Variants in RP1L1 observed in about 807,000 individuals in gnomAD.
The protein encoded by RP1L1 is retinitis pigmentosa 1-like 1 protein.
A neutral mutation model predicts 15.7 loss-of-function variants in RP1L1; 27 were observed. The ratio of observed to expected loss-of-function variants is 1.72; its 90% CI spans 1.27 to 2.38. RP1L1 has a LOEUF of 2.38. RP1L1 is among the 30% of genes most tolerant of loss of function. The probability of loss-of-function intolerance (pLI) is 0.00; values close to 1 mark genes in which losing one functional copy is unlikely to be tolerated. For missense variants in RP1L1, 4,798 were observed against 3,075.9 expected, an observed-to-expected ratio of 1.56 and a Z score of -13.24; for synonymous variants, 1,813 against 1,276.7, an observed-to-expected ratio of 1.42 and a Z score of -8.96.
chr8:10,619,859 G>C (rs528371205), intron 2 of RP1L1, among the ~76,000 whole-genome samples: 1 of 151,904 alleles, frequency 6.6e-6, no homozygotes, highest in South Asian at 2.1e-4. Flanking sequence ...ACTCGGGGAG[G>C]CTGAGGCAGA....
chr8:10,616,558 G>A lies in RP1L1; in HGVS notation c.639C>T (p.Ser213=). Reference sequence around the variant, plus strand: ...GCCCGGCACACACCAGCACAGAGGGGCTGTGCAGCAGGGCCTGCAGCGAGT... The same window carrying A: ...GCCCGGCACACACCAGCACAGAGGGACTGTGCAGCAGGGCCTGCAGCGAGT... ...KVDSLQALLH[S]PSVLVCAGHE... Residue 213 remains serine (S), a synonymous_variant, in exon 3 of 4, where the codon AGC becomes AGT. Coordinates refer to ENST00000382483, the MANE Select transcript of RP1L1 (RefSeq NM_178857.6). 1 of 1,613,786 alleles carries A rather than the reference G, an allele frequency of 6.2e-7. No individual in the cohort carries two copies. The highest frequency in any genetic ancestry group is 8.5e-7 in the Non-Finnish European group (1 of 1,180,038).
In RP1L1 at chr8:10,611,132, C is replaced by A. The variant is rs1420845629; in HGVS notation, c.2966G>T (p.Gly989Val). Residue 989 changes from glycine to valine, a missense_variant, in exon 4 of 4, where the codon GGC (glycine) becomes GTC (valine). By Grantham distance (109) the Gly-to-Val change is moderately radical (BLOSUM62 -3). Coordinates refer to ENST00000382483, the MANE Select transcript of RP1L1 (RefSeq NM_178857.6). ...TTGAAGGGLRGPEVDPGDDHS... is the reference protein window; with the variant it reads ...TTGAAGGGLRVPEVDPGDDHS... ...GTCATCCCCAGGGTCCACCTCGGGG[C>A]CTCTCAGGCCACCCCCAGCTGCACC... is the stretch of plus-strand genomic sequence containing the variant. 6.2e-7 allele frequency: 1 copy of A among 1,612,932 alleles called. No individual in the cohort carries two copies. The highest frequency in any genetic ancestry group is 1.3e-5 in the African/African-American group (1 of 75,062).
intron 1 of RP1L1, among the ~76,000 whole-genome samples, chr8:10,625,376 G>A (rs1236493615): frequency 6.6e-6 from 1 of 152,158 alleles, no homozygotes; most frequent in African/African-American, 2.4e-5. Flanking sequence ...AGGAACCTGG[G>A]CCTTCGGGAT....
chr8:10,628,715 TTC>T (rs990171882), intron 1 of RP1L1, among the ~76,000 whole-genome samples: 1 of 152,206 alleles, frequency 6.6e-6, no homozygotes, highest in African/African-American at 2.4e-5. Flanking sequence ...ATAGTTCCCG[TTC>T]TGTCTGGTAA....
rs1797907809 is a variant in RP1L1 at position 10,613,187 on chromosome 8, A to C, written c.911T>G (p.Val304Gly). 6.2e-7 allele frequency: 1 copy of C among 1,613,622 alleles called. No homozygotes were observed. Among genetic ancestry groups the C allele is most frequent in the Non-Finnish European group, 8.5e-7 (1 of 1,179,998 alleles). The change falls in exon 4 of 4, where the codon GTG becomes GGG. Residue 304 changes from valine (V) to glycine (G), a missense_variant. By Grantham distance (109) the Val-to-Gly change is moderately radical. Transcript: ENST00000382483. ...QDTPAQSGPL[V>G]AGDDMKKKVR... ...CTTCTTCTTCATGTCATCGCCAGCC[A>C]CCAGCGGGCCCGACTGAGCTGGCGT... is the stretch of plus-strand genomic sequence containing the variant.
At chr8:10,630,953 G>A (rs954692735) in intron 1 of RP1L1, among the ~76,000 whole-genome samples, 2 of 152,220 alleles carry the variant, frequency 1.3e-5, no homozygotes, top group Non-Finnish European at 2.9e-5. Flanking sequence ...TGCACCAGCA[G>A]AGTGGGGCTA....
chr8:10,631,659 C>T (rs1212870450), intron 1 of RP1L1, among the ~76,000 whole-genome samples: 2 of 152,210 alleles, frequency 1.3e-5, no homozygotes, highest in Non-Finnish European at 2.9e-5. Context: ...CCTCCACTTC[C>T]GAGACGACCA....
At position 10,612,346 on chromosome 8, in the gene RP1L1, T is replaced by C. The variant is rs750624840; in HGVS notation, c.1752A>G (p.Leu584=). 1 of 1,613,146 alleles carries C rather than the reference T, an allele frequency of 6.2e-7. No homozygotes were observed. The highest frequency in any genetic ancestry group is 1.7e-5 in the Admixed American group (1 of 60,032). ...PASPALSLSS[L]RSDDLQAETQ... is the part of the protein sequence containing the mutation. ...TCTCTGCCTGCAGGTCGTCACTCCT[T>C]AAAGATGAAAGACTCAGGGCTGGAG... Residue 584 remains leucine, a synonymous_variant, in exon 4 of 4, where the codon TTA becomes TTG. Coordinates refer to ENST00000382483, the MANE Select transcript of RP1L1 (RefSeq NM_178857.6).
chr8:10,610,522 G>A lies in RP1L1; in HGVS notation c.3576C>T (p.Asn1192=), dbSNP rs759688463. The A allele has an allele frequency of 6.8e-6, 11 of 1,613,656 alleles. No homozygotes were observed. Among genetic ancestry groups the A allele is most frequent in the Non-Finnish European group, 9.3e-6 (11 of 1,180,026 alleles). Residue 1192 remains asparagine, a synonymous_variant, in exon 4 of 4, where the codon AAC becomes AAT. Transcript: ENST00000382483. The part of the protein sequence containing the change: ...PDLGSHAMTE[N]FTPTSSSGVD... ...CACCAGAGGAGGATGTGGGCGTGAAGTTCTCCGTCATGGCATGGGACCCAA... is the reference window on the plus strand; with the variant it reads ...CACCAGAGGAGGATGTGGGCGTGAAATTCTCCGTCATGGCATGGGACCCAA...
At chr8:10,617,399 C>CAAAAAA (rs369885056) in intron 2 of RP1L1, among the ~76,000 whole-genome samples, 221 of 82,876 alleles carry the variant, frequency 2.7e-3, no homozygotes, top group Non-Finnish European at 3.1e-3. Flanking sequence ...TGCTCATTAA[C>CAAAAAA]AAAAAAAAAA....
rs763538477 is a variant in RP1L1 at position 10,613,180 on chromosome 8, G to C, written c.918C>G (p.Gly306=). 2 of 1,613,602 alleles carry C rather than the reference G, an allele frequency of 1.2e-6. No individual in the cohort carries two copies. Among genetic ancestry groups the C allele is most frequent in the East Asian group, 4.5e-5 (2 of 44,868 alleles). ...TPAQSGPLVA[G]DDMKKKVRMN... ...TGCGGACCTTCTTCTTCATGTCATC[G>C]CCAGCCACCAGCGGGCCCGACTGAG... The change falls in exon 4 of 4, where the codon GGC becomes GGG. Residue 306 remains glycine, a synonymous_variant. Coordinates refer to ENST00000382483, the MANE Select transcript of RP1L1 (RefSeq NM_178857.6).
chr8:10,608,956 G>C lies in RP1L1; in HGVS notation c.5142C>G (p.His1714Gln). The change falls in exon 4 of 4, where the codon CAC becomes CAG. Residue 1714 changes from histidine (H) to glutamine (Q), a missense_variant. Transcript: ENST00000382483. ...CAGTCCTAGTGCTCGTGGGGTCCGT[G>C]TGGGTCTTGCCAGGGGCCACCTCTG... ...EAAEVAPGKT[H>Q]TDPTSTRTVQ... The C allele has an allele frequency of 6.2e-7, 1 of 1,613,868 alleles. No individual in the cohort carries two copies. The highest frequency in any genetic ancestry group is 8.5e-7 in the Non-Finnish European group (1 of 1,179,800).
chr8:10,634,362 A>C (rs1300168761), intron 1 of RP1L1, among the ~76,000 whole-genome samples: 1 of 152,110 alleles, frequency 6.6e-6, no homozygotes, highest in Non-Finnish European at 1.5e-5. Context: ...GGACCCTAGG[A>C]TGAGCCCCAC....
chr8:10,635,356 G>C (rs1260707845), intron 1 of RP1L1, among the ~76,000 whole-genome samples: 1 of 152,172 alleles, frequency 6.6e-6, no homozygotes, highest in African/African-American at 2.4e-5. Flanking sequence ...CTAATCCCTG[G>C]TCTTCTTCAC....
At chr8:10,643,405 C>G (rs752562439) in intron 1 of RP1L1, among the ~76,000 whole-genome samples, 4 of 152,150 alleles carry the variant, frequency 2.6e-5, no homozygotes, top group East Asian at 1.9e-4. Context: ...TGAGACGTAC[C>G]TGGTACACAG....
At chr8:10,633,678 G>A (rs942993480) in intron 1 of RP1L1, among the ~76,000 whole-genome samples, 1 of 152,130 alleles carries the variant, frequency 6.6e-6, no homozygotes, top group Non-Finnish European at 1.5e-5. Flanking sequence ...AGAGCACCAG[G>A]AGGACAGCAA....
intron 1 of RP1L1, among the ~76,000 whole-genome samples, chr8:10,645,692 T>C (rs1023049699): frequency 2.0e-5 from 3 of 152,208 alleles, no homozygotes; most frequent in African/African-American, 2.4e-5. Context: ...GCTGCGAGCA[T>C]TGGGCTTCCC....
At chr8:10,622,447 T>A (rs965315643) in intron 2 of RP1L1, 146 bp downstream of exon 2, 6 of 1,024,646 alleles carry the variant, frequency 5.9e-6, no homozygotes, top group Admixed American at 1.8e-5. Context: ...TTGACTTGAC[T>A]GAGTGTCTCC....
At position 10,610,079 on chromosome 8, in the gene RP1L1, T is replaced by TC. The variant is rs1797806022; in HGVS notation, c.4018dup (p.Glu1340GlyfsTer3). On this transcript the variant is annotated frameshift_variant, in exon 4 of 4. Transcript: ENST00000382483. LOFTEE classifies it low-confidence loss of function (END_TRUNC). ...TCCTTCTCCTTCTGTTTCTTTAGTT[T>TC]CCTCTAACTGCACCCCCTCTTCTTG... The TC allele has an allele frequency of 8.9e-7, 1 of 1,120,898 alleles. No homozygotes were observed. Among genetic ancestry groups the TC allele is most frequent in the African/African-American group, 1.8e-5 (1 of 54,198 alleles). The allele number at this position is 1,120,898 out of a possible 1,614,324, so 69.4% of individuals were successfully genotyped here.
Sources: allele counts gnomAD v4.1 joint callset (sites outside exome capture counted in the v4.1 genomes callset), GRCh38; gene constraint gnomAD v4.1.1; transcripts MANE v1.5; gene names NCBI Gene and HGNC (gene_info 2026-07-23, HGNC 2026-07-21).